Variants in DZIP1 observed in about 807,000 individuals in gnomAD.
DZIP1 encodes DAZ interacting zinc finger protein 1, also known as cilium assembly protein DZIP1.
A neutral mutation model predicts 107.6 loss-of-function variants in DZIP1; 97 were observed. That is an observed-to-expected ratio of 0.90 (90% CI 0.77 to 1.07). The LOEUF (loss-of-function observed/expected upper bound fraction) is 1.07, where lower values mean the gene tolerates loss of function less well. DZIP1 is among the 50% of genes least tolerant of loss of function. DZIP1 has a pLI of 0.00. For missense variants in DZIP1, 1,035 were observed against 1,063.6 expected (o/e 0.97, Z 0.37); for synonymous variants, 390 against 386.4 (o/e 1.01, Z -0.11).
chr13:95,622,319 C>G (rs780693692), intron 9 of DZIP1, 24 bp downstream of exon 9: 1 of 1,613,994 alleles, frequency 6.2e-7, no homozygotes, highest in Non-Finnish European at 8.5e-7. Flanking sequence ...GCATCCACTG[C>G]AGCTGTCACC....
At chr13:95,586,318 A>C (rs1483389377) in intron 20 of DZIP1, among the ~76,000 whole-genome samples, 182 bp from the exon 21 acceptor site, 1 of 152,232 alleles carries the variant, frequency 6.6e-6, no homozygotes, top group African/African-American at 2.4e-5. Context: ...TCCTTAAAAA[A>C]ATCATAATCC....
At chr13:95,639,058 ATAAC>A (rs1183378606) in intron 5 of DZIP1, among the ~76,000 whole-genome samples, 1 of 152,228 alleles carries the variant, frequency 6.6e-6, no homozygotes, top group Non-Finnish European at 1.5e-5. Flanking sequence ...AGCTAAAACA[ATAAC>A]TAACTACATG....
intron 5 of DZIP1, 40 bp from the exon 6 acceptor site, chr13:95,633,361 A>G: frequency 6.4e-7 from 1 of 1,552,906 alleles, no homozygotes; most frequent in African/African-American, 1.4e-5. Flanking sequence ...GTCTGTAACG[A>G]CTGTCGTCCC....
intron 3 of DZIP1, 39 bp from the exon 4 acceptor site, chr13:95,642,280 G>T: frequency 2.2e-6 from 1 of 445,462 alleles, no homozygotes; most frequent in Non-Finnish European, 3.9e-6. Context: ...GAGCCCGAGT[G>T]GACACAGCCG....
intron 16 of DZIP1, among the ~76,000 whole-genome samples, 177 bp downstream of exon 16, chr13:95,593,767 G>A (rs939256786): frequency 2.0e-5 from 3 of 152,240 alleles, no homozygotes; most frequent in African/African-American, 4.8e-5. Flanking sequence ...TCGTAGAAAT[G>A]TGCCAGGCAC....
chr13:95,624,306 G>A (rs925131535), intron 8 of DZIP1, among the ~76,000 whole-genome samples: 17 of 152,188 alleles, frequency 1.1e-4, no homozygotes, highest in Non-Finnish European at 1.3e-4. Flanking sequence ...ATGGACCAGG[G>A]CTGTTCCCAC....
chr13:95,616,966 G>A (rs1208961615), intron 10 of DZIP1, among the ~76,000 whole-genome samples: 6 of 152,136 alleles, frequency 3.9e-5, no homozygotes, highest in Admixed American at 6.5e-5. Context: ...CTTGCACTTT[G>A]GGAGGCCGAG....
In DZIP1 at chr13:95,641,902, C is replaced by T. The variant is rs987176777; in HGVS notation, c.37-47G>A. 2.8e-5 allele frequency: 9 copies of T among 323,846 alleles called. No homozygotes were observed. Among genetic ancestry groups the T allele is most frequent in the African/African-American group, 6.8e-5 (2 of 29,454 alleles). The allele number at this position is 323,846 out of a possible 1,614,324, so 20.1% of individuals were successfully genotyped here. On this transcript the variant is annotated intron_variant, in intron 4 of 22. Transcript: ENST00000376829. This position sits in a 1 kb window ranked among gnomAD's most constrained non-coding sequence, Gnocchi z 4.3. ...CGCGGCGGGAGGCGGGGATGGGGGG[C>T]GGGCAGGCTGGGGAGCTGGGGGTCC...
intron 9 of DZIP1, among the ~76,000 whole-genome samples, chr13:95,621,784 C>G (rs1875897127): frequency 6.6e-6 from 1 of 150,782 alleles, no homozygotes; most frequent in Non-Finnish European, 1.5e-5. Context: ...ATGGCGTGAT[C>G]TCAGCTCACT....
At chr13:95,589,093 G>T (rs1327825481) in intron 19 of DZIP1, 61 bp downstream of exon 19, 2 of 1,354,158 alleles carry the variant, frequency 1.5e-6, no homozygotes, top group Non-Finnish European at 2.1e-6. Context: ...ACTTTAAAAT[G>T]AAAGGAATGT....
At chr13:95,598,713 A>T (rs144054247) in intron 15 of DZIP1, among the ~76,000 whole-genome samples, 183 of 152,238 alleles carry the variant, frequency 1.2e-3, no homozygotes, top group African/African-American at 3.9e-3. Context: ...AATTGTTTTC[A>T]AAATCTACAA....
At chr13:95,624,697 G>A (rs1299730073) in intron 8 of DZIP1, 71 bp downstream of exon 8, 4 of 1,350,070 alleles carry the variant, frequency 3.0e-6, no homozygotes, top group African/African-American at 1.5e-5. Flanking sequence ...GGATCCCCTG[G>A]CCTTAATGCC....
chr13:95,625,009 T>G (rs1876362709), intron 7 of DZIP1, 80 bp from the exon 8 acceptor site: 4 of 1,279,406 alleles, frequency 3.1e-6, no homozygotes, highest in Non-Finnish European at 3.2e-6. Context: ...GTTCATAGCA[T>G]CACTTCAAAA....
At chr13:95,587,462 C>T (rs879577374) in intron 20 of DZIP1, 77 bp downstream of exon 20, 28 of 1,545,400 alleles carry the variant, frequency 1.8e-5, no homozygotes, top group Non-Finnish European at 2.2e-5. Context: ...GCTCAGACTC[C>T]CAGTGCTCGG....
intron 7 of DZIP1, among the ~76,000 whole-genome samples, chr13:95,628,337 G>A (rs1208131213): frequency 5.3e-5 from 8 of 152,078 alleles, no homozygotes; most frequent in African/African-American, 1.7e-4. Context: ...GCCACCACAC[G>A]TGGTGTACAT....
intron 14 of DZIP1, among the ~76,000 whole-genome samples, chr13:95,602,776 G>A (rs2044654710): frequency 6.6e-6 from 1 of 152,164 alleles, no homozygotes; most frequent in African/African-American, 2.4e-5. Context: ...TTTAGAGGGT[G>A]GAATCCCACT....
At position 95,595,078 on chromosome 13, in the gene DZIP1, C is replaced by T. The variant is rs188173860; in HGVS notation, c.1538-992G>A. On this transcript the variant is annotated intron_variant, in intron 15 of 22. Transcript: ENST00000376829. The stretch of plus-strand genomic sequence containing the variant: ...ATACTACCATTTTGGAGTCTAATCT[C>T]CTAACAGGGGCATTTTGCCCACCAA... Among the ~76,000 whole-genome samples, 32 of 152,342 alleles carry T rather than the reference C, an allele frequency of 2.1e-4. No individual in the cohort carries two copies. The East Asian group carries it at 6.2e-3, about 29-fold the overall frequency.
At chr13:95,638,802 AG>A (rs1385482446) in intron 5 of DZIP1, among the ~76,000 whole-genome samples, 1 of 152,200 alleles carries the variant, frequency 6.6e-6, no homozygotes, top group Middle Eastern at 3.2e-3. Context: ...CTTAAAGCAA[AG>A]GGAGTAGAGA....
At chr13:95,609,412 T>G (rs754570049) in intron 13 of DZIP1, 45 bp downstream of exon 13, 2 of 1,359,264 alleles carry the variant, frequency 1.5e-6, no homozygotes, top group South Asian at 3.4e-5. Flanking sequence ...TGGTTTAGCA[T>G]TTTAAAGATA....
Sources: allele counts gnomAD v4.1 joint callset (sites outside exome capture counted in the v4.1 genomes callset), GRCh38; gene constraint gnomAD v4.1.1; non-coding constraint Gnocchi (gnomAD v3.1); transcripts MANE v1.5; gene names NCBI Gene and HGNC (gene_info 2026-07-23, HGNC 2026-07-21).